Variants in FGR observed in about 807,000 individuals in gnomAD.
FGR encodes FGR proto-oncogene, Src family tyrosine kinase.
A neutral mutation model predicts 63.2 loss-of-function variants in FGR; 26 were observed. The observed-to-expected ratio is 0.41, with a 90% CI of 0.30 to 0.57. The LOEUF (loss-of-function observed/expected upper bound fraction) is 0.57. Ranked by LOEUF, FGR falls within the 20% of genes least tolerant of loss-of-function variation. FGR has a pLI of 0.27. For missense variants in FGR, 511 were observed against 690.8 expected (o/e 0.74, Z 2.92); for synonymous variants, 286 against 277.7 (o/e 1.03, Z -0.30).
In FGR at chr1:27,612,955, TGAAGTAGTCCTCCAGGAAG is replaced by T; in HGVS notation, c.1530_1548del (p.Phe511ProfsTer58). 1 of 1,613,922 alleles carries T rather than the reference TGAAGTAGTCCTCCAGGAAG, an allele frequency of 6.2e-7. No homozygotes were observed. The stretch of plus-strand genomic sequence containing the variant: ...GGCTGGTACTGTGGTTCAGCGGAGG[TGAAGTAGTCCTCCAGGAAG>T]GACTGCAGGTACTCGAAGGTAGGCC... On this transcript the variant is annotated frameshift_variant, in exon 13 of 13. Coordinates refer to ENST00000374005, the MANE Select transcript of FGR (RefSeq NM_005248.3). LOFTEE classifies it high-confidence loss of function.
At position 27,612,240 on chromosome 1, in the gene FGR, G is replaced by C. The variant is rs1000501558; in HGVS notation, c.*674C>G. The C allele has an allele frequency of 2.0e-5, 3 of 152,200 alleles. No individual in the cohort carries two copies. The highest frequency in any genetic ancestry group is 7.2e-5 in the African/African-American group (3 of 41,392). The allele number at this position is 152,200 out of a possible 1,614,324, so 9.4% of individuals were successfully genotyped here. A position where few individuals can be genotyped will look rare whatever the true frequency, so the allele number is the denominator to read the frequency against. Reference sequence around the variant, plus strand: ...CTGCTGCCTGTAGCCATATCTGTCCGTTCACCCCCTATTGACCACCCCCGC... The same window carrying C: ...CTGCTGCCTGTAGCCATATCTGTCCCTTCACCCCCTATTGACCACCCCCGC... On this transcript the variant is annotated 3_prime_UTR_variant, in exon 13 of 13. Coordinates refer to ENST00000374005, the MANE Select transcript of FGR (RefSeq NM_005248.3).
chr1:27,625,662 C>T (rs1439743115), intron 1 of FGR, among the ~76,000 whole-genome samples: 1 of 152,214 alleles, frequency 6.6e-6, no homozygotes, highest in Non-Finnish European at 1.5e-5. Flanking sequence ...TTCTTCCGGC[C>T]AGGCGCAGTG....
Position 27,621,621 on chromosome 1 carries a change from G to C in FGR, c.366C>G (p.Ser122=). ...TGCTGGGAATGCAGCCAGTTTTTCC[G>C]GAGCTGAGAGACCGAGCCTCCCACC... ...GDWWEARSLS[S]GKTGCIPSNY... The change falls in exon 5 of 13, where the codon TCC becomes TCG. Residue 122 remains serine (S), a synonymous_variant. Transcript: ENST00000374005. 6.2e-7 allele frequency: 1 copy of C among 1,613,894 alleles called. No individual in the cohort carries two copies. Among genetic ancestry groups the C allele is most frequent in the Non-Finnish European group, 8.5e-7 (1 of 1,179,916 alleles).
chr1:27,620,200 C>T (rs1420566144), intron 5 of FGR, among the ~76,000 whole-genome samples: 3 of 151,562 alleles, frequency 2.0e-5, no homozygotes, highest in Non-Finnish European at 4.4e-5. Flanking sequence ...ACCTGTAGTC[C>T]CAGGTACTTG....
At chr1:27,625,837 G>C (rs187611569) in intron 1 of FGR, among the ~76,000 whole-genome samples, 1 of 152,224 alleles carries the variant, frequency 6.6e-6, no homozygotes, top group African/African-American at 2.4e-5. Context: ...TACTTGGGAG[G>C]CCGAGGCAGC....
Position 27,616,771 on chromosome 1 carries a change from G to T in FGR, c.682+86C>A. The T allele has an allele frequency of 6.9e-7, 1 of 1,456,160 alleles. No homozygotes were observed. 90.2% of individuals were successfully genotyped at this position (1,456,160 alleles called of 1,614,324 possible). On this transcript the variant is annotated intron_variant, in intron 7 of 12. Coordinates refer to ENST00000374005, the MANE Select transcript of FGR (RefSeq NM_005248.3). This position sits in a 1 kb window ranked among gnomAD's most constrained non-coding sequence, Gnocchi z 4.3. Reference sequence around the variant, plus strand: ...TCCGTCTGGCCAATACTGCTTGGTAGTCCCTTCCCTTCTCTGGGCCTCAGT... The same window carrying T: ...TCCGTCTGGCCAATACTGCTTGGTATTCCCTTCCCTTCTCTGGGCCTCAGT...
In FGR at chr1:27,617,896, C is replaced by T. The variant is rs1383826397; in HGVS notation, c.429-600G>A. ...TTGTCCTAAGTCTAAACTTCAACCT[C>T]AGGCCTCAATCACTCCTCTCCCTTG... On this transcript the variant is annotated intron_variant, in intron 5 of 12. Coordinates refer to ENST00000374005, the MANE Select transcript of FGR (RefSeq NM_005248.3). This position sits in a 1 kb window ranked among gnomAD's most constrained non-coding sequence, Gnocchi z 4.5. 6.6e-6 allele frequency among the ~76,000 whole-genome samples: 1 copy of T among 152,236 alleles called. No individual in the cohort carries two copies. Among genetic ancestry groups the T allele is most frequent in the Non-Finnish European group, 1.5e-5 (1 of 68,040 alleles).
rs2089781015 is a variant in FGR, at chr1:27,615,135, T to C, written c.1019-209A>G. Among the ~76,000 whole-genome samples the C allele has an allele frequency of 6.6e-6, 1 of 151,930 alleles. No individual in the cohort carries two copies. Among genetic ancestry groups the C allele is most frequent in the African/African-American group, 2.4e-5 (1 of 41,326 alleles). On this transcript the variant is annotated intron_variant, in intron 9 of 12. Coordinates refer to ENST00000374005, the MANE Select transcript of FGR (RefSeq NM_005248.3). The surrounding 1 kb of genome is among the most constrained non-coding windows in gnomAD (Gnocchi z 7.6). Reference sequence around the variant, plus strand: ...ATCTCGTTTCTTCTGTTCCTTGGTGTTCCGGACACGACCCACCCAGACTCC... The same window carrying C: ...ATCTCGTTTCTTCTGTTCCTTGGTGCTCCGGACACGACCCACCCAGACTCC...
intron 2 of FGR, 79 bp from the exon 3 acceptor site, chr1:27,624,008 A>C: frequency 3.3e-6 from 4 of 1,217,418 alleles, no homozygotes; most frequent in Non-Finnish European, 3.4e-6. Context: ...GCACATGCTC[A>C]TACGCTCATA....
chr1:27,619,710 T>G (rs1037881267), intron 5 of FGR, among the ~76,000 whole-genome samples: 1 of 152,260 alleles, frequency 6.6e-6, no homozygotes, highest in Non-Finnish European at 1.5e-5. Flanking sequence ...GCTGGCAGCT[T>G]CGTCCACCTG....
chr1:27,626,236 C>A, intron 1 of FGR: 1 of 398,698 alleles, frequency 2.5e-6, no homozygotes. Context: ...TTGCAACACT[C>A]AGAGAGGAAC....
chr1:27,614,756 C>T, intron 10 of FGR, 94 bp downstream of exon 10: 5 of 1,357,286 alleles, frequency 3.7e-6, no homozygotes, highest in Admixed American at 2.0e-5. Context: ...ATGCAGGGGG[C>T]GGGGCCGCCC....
chr1:27,621,981 T>G (rs756857204), intron 4 of FGR, among the ~76,000 whole-genome samples: 10 of 152,156 alleles, frequency 6.6e-5, no homozygotes, highest in Non-Finnish European at 1.5e-4. Context: ...ACTGATTTCC[T>G]TCTGGATAAA....
chr1:27,612,918 G>C lies in FGR; in HGVS notation c.1586C>G (p.Thr529Arg). 1 of 1,613,530 alleles carries C rather than the reference G, an allele frequency of 6.2e-7. No homozygotes were observed. Among genetic ancestry groups the C allele is most frequent in the Non-Finnish European group, 8.5e-7 (1 of 1,179,802 alleles). The change falls in exon 13 of 13, where the codon ACA becomes AGA. Residue 529 changes from threonine to arginine, a missense_variant. Coordinates refer to ENST00000374005, the MANE Select transcript of FGR (RefSeq NM_005248.3). ...AEPQYQPGDQ[T>R] ...GAGGGTTGATGCCCGGACAGGCTAT[G>C]TCTGATCCCCGGGCTGGTACTGTGG...
At chr1:27,614,616 C>T (rs376749358) in intron 10 of FGR, 33 bp from the exon 11 acceptor site, 5 of 1,608,652 alleles carry the variant, frequency 3.1e-6, no homozygotes, top group African/African-American at 2.7e-5. Flanking sequence ...GATGGGAGCT[C>T]ATGTGGACTC....
chr1:27,618,637 C>T (rs1219769419), intron 5 of FGR, among the ~76,000 whole-genome samples: 2 of 152,164 alleles, frequency 1.3e-5, no homozygotes, highest in Non-Finnish European at 2.9e-5. Flanking sequence ...ACCACCTCCC[C>T]AGACTTGGGC....
At chr1:27,619,993 A>G (rs2089890119) in intron 5 of FGR, among the ~76,000 whole-genome samples, 1 of 152,148 alleles carries the variant, frequency 6.6e-6, no homozygotes, top group Non-Finnish European at 1.5e-5. Flanking sequence ...TTTGAGCCTC[A>G]GTTTCCTCAT....
At chr1:27,622,775 G>C (rs939518360) in intron 4 of FGR, among the ~76,000 whole-genome samples, 1 of 152,194 alleles carries the variant, frequency 6.6e-6, no homozygotes, top group Admixed American at 6.5e-5. Flanking sequence ...CAAAGTGCTG[G>C]GATTACAGGC....
chr1:27,633,353 A>T (rs764796348), intron 1 of FGR, among the ~76,000 whole-genome samples: 5 of 152,170 alleles, frequency 3.3e-5, no homozygotes, highest in Admixed American at 6.5e-5. Context: ...CCACAGTCGG[A>T]AGGATGCCAA....
Sources: allele counts gnomAD v4.1 joint callset (sites outside exome capture counted in the v4.1 genomes callset), GRCh38; gene constraint gnomAD v4.1.1; non-coding constraint Gnocchi (gnomAD v3.1); transcripts MANE v1.5; gene names NCBI Gene and HGNC (gene_info 2026-07-23, HGNC 2026-07-21).